Variants in CHDH observed in about 807,000 individuals in gnomAD.
CHDH encodes choline dehydrogenase, mitochondrial.
A neutral mutation model predicts 56.9 loss-of-function variants in CHDH; 43 were observed. The observed-to-expected ratio is 0.76, with a 90% CI of 0.59 to 0.97. CHDH has a LOEUF of 0.97. Among genes scored for constraint, CHDH ranks in the 50% least tolerant of loss-of-function variants. The pLI is 0.00. For missense variants in CHDH, 816 were observed against 821.1 expected, an observed-to-expected ratio of 0.99 and a Z score of 0.08; for synonymous variants, 364 against 348.5, an observed-to-expected ratio of 1.04 and a Z score of -0.50.
intron 4 of CHDH, among the ~76,000 whole-genome samples, 181 bp downstream of exon 4, chr3:53,822,310 G>A (rs140712435): frequency 4.8e-4 from 72 of 151,254 alleles, no homozygotes; most frequent in Non-Finnish European, 7.7e-4. Flanking sequence ...TCGGTGGCAG[G>A]ACTAGGGGCT....
intron 2 of CHDH, among the ~76,000 whole-genome samples, chr3:53,828,743 A>G (rs1252982399): frequency 2.6e-5 from 4 of 152,224 alleles, no homozygotes; most frequent in Non-Finnish European, 5.9e-5. Context: ...GACACTGACA[A>G]CATCACATGC....
intron 4 of CHDH, 141 bp from the exon 5 acceptor site, chr3:53,821,917 A>G: frequency 9.3e-7 from 1 of 1,076,884 alleles, no homozygotes; most frequent in Non-Finnish European, 1.3e-6. Context: ...CAGGCCCCAG[A>G]GCTAAGGAGA....
rs756938431 is a variant in CHDH, at chr3:53,819,511, G to A, written c.1263+21C>T. ...TGGGAAGGAGACATCCTGGGAAGCC[G>A]AGGCTCTTCCACCTGCTCACCTGGT... On this transcript the variant is annotated intron_variant, in intron 7 of 8. Transcript: ENST00000315251. This position sits in a 1 kb window ranked among gnomAD's most constrained non-coding sequence, Gnocchi z 5.4. The A allele has an allele frequency of 1.1e-5, 17 of 1,588,412 alleles. No homozygotes were observed. Among genetic ancestry groups the A allele is most frequent in the South Asian group, 3.4e-5 (3 of 87,106 alleles).
At position 53,823,864 on chromosome 3, in the gene CHDH, C is replaced by T; in HGVS notation, c.145G>A (p.Gly49Ser). ...DEYSYVVVGAGSAGCVLAGRL... is the reference protein window; with the variant it reads ...DEYSYVVVGASSAGCVLAGRL... ...CCAGCCAGCACGCAGCCCGCCGAGC[C>T]CGCGCCCACCACCACATAGCTGTAC... Residue 49 changes from glycine to serine, a missense_variant, in exon 3 of 9, where the codon GGC becomes AGC. Physicochemically the swap from Gly to Ser is moderately conservative, Grantham distance 56. Transcript: ENST00000315251. The T allele has an allele frequency of 6.3e-7, 1 of 1,591,434 alleles. No homozygotes were observed. The highest frequency in any genetic ancestry group is 8.5e-7 in the Non-Finnish European group (1 of 1,176,276).
chr3:53,820,364 GC>G, intron 6 of CHDH, 109 bp downstream of exon 6: 1 of 1,299,378 alleles, frequency 7.7e-7, no homozygotes, highest in East Asian at 2.4e-5. Context: ...AAGGTAAATG[GC>G]ATAGTTCCGC....
Position 53,812,469 on chromosome 3 carries a change from C to T in CHDH, c.*5308G>A, listed in dbSNP as rs1045462197. 3.9e-5 allele frequency: 6 copies of T among 152,164 alleles called. No homozygotes were observed. Among genetic ancestry groups the T allele is most frequent in the African/African-American group, 1.4e-4 (6 of 41,438 alleles). The allele number at this position is 152,164 out of a possible 1,614,324, so 9.4% of individuals were successfully genotyped here. The stretch of plus-strand genomic sequence containing the variant: ...CCTATCATCTTTCCACAAGATATAC[C>T]AGATGACTATTTGCAGTCTTTTCTT... On this transcript the variant is annotated 3_prime_UTR_variant, in exon 9 of 9. Transcript: ENST00000315251.
chr3:53,821,218 A>C (rs1474590330), intron 5 of CHDH, among the ~76,000 whole-genome samples: 4 of 152,250 alleles, frequency 2.6e-5, no homozygotes, highest in Non-Finnish European at 1.5e-5. Context: ...TATAAAACAA[A>C]GTTTACATCT....
intron 1 of CHDH, among the ~76,000 whole-genome samples, chr3:53,845,768 T>A (rs559139507): frequency 1.5e-3 from 223 of 152,314 alleles, no homozygotes; most frequent in Non-Finnish European, 2.9e-3. Context: ...GGCTTCCGCT[T>A]TGGGAGCCCC....
chr3:53,842,455 G>A (rs1698702270), intron 1 of CHDH, among the ~76,000 whole-genome samples: 1 of 152,180 alleles, frequency 6.6e-6, no homozygotes, highest in Non-Finnish European at 1.5e-5. Context: ...TTTACAGATG[G>A]AGCTTTGAGA....
chr3:53,820,698 ATTCCC>A, intron 5 of CHDH, 90 bp from the exon 6 acceptor site: 1 of 1,492,036 alleles, frequency 6.7e-7, no homozygotes, highest in African/African-American at 1.4e-5. Flanking sequence ...ATTCTTTCCT[ATTCCC>A]TTATCTTCTG....
intron 1 of CHDH, among the ~76,000 whole-genome samples, chr3:53,845,314 G>A (rs1698828349): frequency 6.6e-6 from 1 of 152,216 alleles, no homozygotes; most frequent in Non-Finnish European, 1.5e-5. Context: ...TGGCACACAA[G>A]TAGGGCCTCA....
chr3:53,841,387 T>C (rs938008786), intron 1 of CHDH, among the ~76,000 whole-genome samples: 1 of 152,106 alleles, frequency 6.6e-6, no homozygotes, highest in African/African-American at 2.4e-5. Flanking sequence ...CAAAGCCTGT[T>C]TGATTTTCTG....
rs201987319 is a variant in CHDH, at chr3:53,823,938, G to A, written c.71C>T (p.Ser24Phe). ...GCTGGCCAGGGCCCGGGCACCCAGG[G>A]ATTGCTGCTGCCCCAGGGCTCCCCG... ...LARGALGQQQ[S>F]LGARALASAG... is the part of the protein sequence containing the mutation. The change falls in exon 3 of 9, where the codon TCC (serine) becomes TTC (phenylalanine). Residue 24 changes from serine to phenylalanine, a missense_variant. Transcript: ENST00000315251. 1.4e-3 allele frequency: 2,174 copies of A among 1,538,282 alleles called. 1 individual carries two copies. The highest frequency in any genetic ancestry group is 2.8e-3 in the Admixed American group (140 of 49,946).
chr3:53,824,068 C>T lies in CHDH; in HGVS notation c.-59-1G>A. 2.2e-6 allele frequency: 3 copies of T among 1,379,048 alleles called. No homozygotes were observed. The South Asian group carries it at 4.7e-5, about 22-fold the overall frequency. The allele number at this position is 1,379,048 out of a possible 1,614,324, so 85.4% of individuals were successfully genotyped here. Reference sequence around the variant, plus strand: ...GGGGAATGAGATGACTCACTTCTCCCTAAAACAGGAAGAGGGGCTTTAAAA... The same window carrying T: ...GGGGAATGAGATGACTCACTTCTCCTTAAAACAGGAAGAGGGGCTTTAAAA... On this transcript the variant is annotated splice_acceptor_variant, in intron 2 of 8. Coordinates refer to ENST00000315251, the MANE Select transcript of CHDH (RefSeq NM_018397.5). LOFTEE classifies it low-confidence loss of function (5UTR_SPLICE).
chr3:53,832,402 G>A (rs1170804351), intron 2 of CHDH, among the ~76,000 whole-genome samples: 1 of 152,054 alleles, frequency 6.6e-6, no homozygotes, highest in African/African-American at 2.4e-5. Flanking sequence ...CATGGTGGTG[G>A]GTGCCTATAA....
chr3:53,823,541 G>A lies in CHDH; in HGVS notation c.468C>T (p.Arg156=), dbSNP rs775707612. ...DYERWQRQGA[R]GWDYAHCLPY... ...GCAGGCAGTGCGCGTAGTCCCAGCC[G>A]CGGGCGCCCTGGCGCTGCCAGCGCT... is the stretch of plus-strand genomic sequence containing the variant. The change falls in exon 3 of 9, where the codon CGC becomes CGT. Residue 156 remains arginine (R), a synonymous_variant. Transcript: ENST00000315251. 2.0e-5 allele frequency: 31 copies of A among 1,542,226 alleles called. No homozygotes were observed. Among genetic ancestry groups the A allele is most frequent in the Non-Finnish European group, 2.0e-5 (23 of 1,146,052 alleles).
Position 53,819,631 on chromosome 3 carries a change from GC to G in CHDH, c.1163del (p.Arg388ProfsTer20), listed in dbSNP as rs766306186. 2.5e-6 allele frequency: 4 copies of G among 1,612,082 alleles called. No individual in the cohort carries two copies. The highest frequency in any genetic ancestry group is 3.4e-6 in the Non-Finnish European group (4 of 1,178,890). On this transcript the variant is annotated frameshift_variant, in exon 7 of 9. Coordinates refer to ENST00000315251, the MANE Select transcript of CHDH (RefSeq NM_018397.5). LOFTEE classifies it high-confidence loss of function. The surrounding 1 kb of genome is among the most constrained non-coding windows in gnomAD (Gnocchi z 5.4). ...TAHLETGGFI[R>X]SQPGVPHPDI... ...CCGGGTGGGGGACCCCAGGCTGGCTGCGGATGAACCCACCTGTTTCCAGATG... is the reference window on the plus strand; with the variant it reads ...CCGGGTGGGGGACCCCAGGCTGGCTGGGATGAACCCACCTGTTTCCAGATG...
intron 2 of CHDH, among the ~76,000 whole-genome samples, chr3:53,834,848 A>G (rs1414492299): frequency 6.6e-6 from 1 of 152,216 alleles, no homozygotes; most frequent in Non-Finnish European, 1.5e-5. Flanking sequence ...TTTGGCCATT[A>G]CAGTCCTAGC....
intron 2 of CHDH, among the ~76,000 whole-genome samples, chr3:53,838,330 G>A (rs965242752): frequency 6.6e-6 from 1 of 152,154 alleles, no homozygotes; most frequent in Non-Finnish European, 1.5e-5. Flanking sequence ...TCAAGCACCT[G>A]ATAGACTAGG....
Sources: gnomAD v4.1 joint callset for allele counts (sites outside exome capture counted in the v4.1 genomes callset) on GRCh38, gnomAD v4.1.1 for gene constraint, Gnocchi (gnomAD v3.1) non-coding constraint, MANE v1.5 for transcripts, NCBI Gene and HGNC (gene_info 2026-07-23, HGNC 2026-07-21) for gene names.